Variants in FBLN1 observed in about 807,000 individuals in gnomAD.
FBLN1 encodes fibulin-1.
In FBLN1, 34 loss-of-function variants were observed where a neutral mutation model predicts 89.7. The ratio of observed to expected loss-of-function variants is 0.38; its 90% CI spans 0.29 to 0.50. The LOEUF is 0.50. Ranked by LOEUF, FBLN1 falls within the 20% of genes least tolerant of loss-of-function variation. The pLI is 0.92. For missense variants in FBLN1, 777 were observed against 988.1 expected (o/e 0.79, Z 2.86); for synonymous variants, 393 against 391.3 (o/e 1.00, Z -0.05).
At position 45,547,171 on chromosome 22, in the gene FBLN1, C is replaced by A. The variant is rs2088640317; in HGVS notation, c.1408C>A (p.Gln470Lys). 6.2e-7 allele frequency: 1 copy of A among 1,614,072 alleles called. No individual in the cohort carries two copies. Among genetic ancestry groups the A allele is most frequent in the Non-Finnish European group, 8.5e-7 (1 of 1,180,028 alleles). Reference sequence around the variant, plus strand: ...CCAGTGTTACTGCCGGCGAGGCTACCAGCTCAGCGATGTGGATGGAGTCAC... The same window carrying A: ...CCAGTGTTACTGCCGGCGAGGCTACAAGCTCAGCGATGTGGATGGAGTCAC... The part of the protein sequence containing the change: ...SYQCYCRRGY[Q>K]LSDVDGVTCE... The change falls in exon 12 of 17, where the codon CAG becomes AAG. Residue 470 changes from glutamine to lysine, a missense_variant. By Grantham distance (53) the Gln-to-Lys change is moderately conservative. Transcript: ENST00000327858.
chr22:45,585,718 G>A (rs1397409397), intron 16 of FBLN1, among the ~76,000 whole-genome samples: 2 of 152,156 alleles, frequency 1.3e-5, no homozygotes, highest in African/African-American at 4.8e-5. Flanking sequence ...GGGTGTCACC[G>A]AGGGTTCCAG....
intron 16 of FBLN1, among the ~76,000 whole-genome samples, chr22:45,599,747 G>A (rs1488246225): frequency 4.6e-5 from 7 of 152,110 alleles, no homozygotes; most frequent in East Asian, 3.9e-4. Flanking sequence ...GAGAAACCCC[G>A]TCTCTACTAA....
chr22:45,510,027 G>C (rs1357874613), intron 1 of FBLN1, among the ~76,000 whole-genome samples: 1 of 152,126 alleles, frequency 6.6e-6, no homozygotes, highest in Non-Finnish European at 1.5e-5. Context: ...GGAAATCAAG[G>C]AAATTGAGGC....
intron 2 of FBLN1, among the ~76,000 whole-genome samples, chr22:45,525,093 GA>G (rs2088303159): frequency 6.9e-6 from 1 of 145,626 alleles, no homozygotes; most frequent in African/African-American, 2.6e-5. Flanking sequence ...AAGAGAGAAA[GA>G]GAGAAAGGGA....
intron 16 of FBLN1, among the ~76,000 whole-genome samples, chr22:45,599,646 G>A (rs777750555): frequency 1.3e-5 from 2 of 152,144 alleles, no homozygotes; most frequent in Non-Finnish European, 2.9e-5. Context: ...GGCCAGTCAC[G>A]GTCGCTCATG....
At chr22:45,525,712 G>T (rs189845806) in intron 3 of FBLN1, 34 bp downstream of exon 3, 1 of 1,550,946 alleles carries the variant, frequency 6.4e-7, no homozygotes, top group Admixed American at 2.0e-5. Context: ...GTCGCTGCCC[G>T]TCCCCACTAG....
At position 45,527,208 on chromosome 22, in the gene FBLN1, G is replaced by A. The variant is rs138443512; in HGVS notation, c.322-639G>A. On this transcript the variant is annotated intron_variant, in intron 3 of 16. Transcript: ENST00000327858. Reference sequence around the variant, plus strand: ...AATAAAGACTGAAGCAGGGCTTTTCGTGTGTCAGGGCAAATGTTGCTTCTG... The same window carrying A: ...AATAAAGACTGAAGCAGGGCTTTTCATGTGTCAGGGCAAATGTTGCTTCTG... Among the ~76,000 whole-genome samples the A allele has an allele frequency of 3.3e-5, 5 of 152,324 alleles. No individual in the cohort carries two copies. In the East Asian group the frequency reaches 7.7e-4, roughly 23 times the overall value.
At chr22:45,543,566 C>G in intron 11 of FBLN1, 40 bp downstream of exon 11, 2 of 1,606,706 alleles carry the variant, frequency 1.2e-6, no homozygotes, top group Non-Finnish European at 1.7e-6. Flanking sequence ...CCCCAGGTCA[C>G]CTTCCTCCTG....
intron 2 of FBLN1, among the ~76,000 whole-genome samples, chr22:45,521,127 T>A (rs2088245086): frequency 6.6e-6 from 1 of 152,172 alleles, no homozygotes; most frequent in African/African-American, 2.4e-5. Flanking sequence ...ATTTTGGGGT[T>A]ATCTTTAATC....
chr22:45,518,863 G>A (rs2088208257), intron 2 of FBLN1, 76 bp downstream of exon 2: 4 of 1,299,032 alleles, frequency 3.1e-6, no homozygotes, highest in South Asian at 2.5e-5. Context: ...GGGACAGTGT[G>A]TGCCAGACCT....
At chr22:45,573,378 T>A (rs1375731204) in intron 14 of FBLN1, among the ~76,000 whole-genome samples, 1 of 150,536 alleles carries the variant, frequency 6.6e-6, no homozygotes, top group Non-Finnish European at 1.5e-5. Flanking sequence ...GAGAAAACTA[T>A]GAAGAAACCC....
rs753878099 is a variant in FBLN1 at position 45,547,090 on chromosome 22, A to G, written c.1327A>G (p.Asn443Asp). Residue 443 changes from asparagine (N) to aspartate (D), a missense_variant, in exon 12 of 17, where the codon AAT becomes GAT. Transcript: ENST00000327858. ...ACCCTCGTTTTGTATTTCAGACATC[A>G]ATGAGTGCAGCAGCAGCCCCTGTAG... The part of the protein sequence containing the change: ...SVDGRSCEDI[N>D]ECSSSPCSQE... 2 of 1,614,062 alleles carry G rather than the reference A, an allele frequency of 1.2e-6. No individual in the cohort carries two copies. The highest frequency in any genetic ancestry group is 1.7e-6 in the Non-Finnish European group (2 of 1,180,022).
chr22:45,513,220 A>G (rs956558746), intron 1 of FBLN1, among the ~76,000 whole-genome samples: 1 of 152,232 alleles, frequency 6.6e-6, no homozygotes, highest in African/African-American at 2.4e-5. Flanking sequence ...AAGATGACCA[A>G]CAAACACTAA....
chr22:45,518,878 G>A, intron 2 of FBLN1, 91 bp downstream of exon 2: 1 of 1,169,162 alleles, frequency 8.6e-7, no homozygotes, highest in Non-Finnish European at 1.2e-6. Flanking sequence ...AGACCTCTCG[G>A]GAGAGGCTGG....
chr22:45,512,507 TGA>T (rs1043652728), intron 1 of FBLN1, among the ~76,000 whole-genome samples: 1 of 152,010 alleles, frequency 6.6e-6, no homozygotes, highest in Non-Finnish European at 1.5e-5. Context: ...GATAGGACAG[TGA>T]GGTGGGAGGT....
At position 45,583,707 on chromosome 22, in the gene FBLN1, A is replaced by G. The variant is rs2089060853; in HGVS notation, c.1972+6599A>G. Reference sequence around the variant, plus strand: ...CACAATCAACACAGGAAGTAACAGAAGCAGCTAGTTACTCACAGGTCCTAG... The same window carrying G: ...CACAATCAACACAGGAAGTAACAGAGGCAGCTAGTTACTCACAGGTCCTAG... On this transcript the variant is annotated intron_variant, in intron 16 of 16. Transcript: ENST00000327858. The surrounding 1 kb of genome is among the most constrained non-coding windows in gnomAD (Gnocchi z 4.5). Among the ~76,000 whole-genome samples the G allele has an allele frequency of 6.6e-6, 1 of 152,212 alleles. No homozygotes were observed. Among genetic ancestry groups the G allele is most frequent in the Non-Finnish European group, 1.5e-5 (1 of 68,038 alleles).
In FBLN1 at chr22:45,537,195, T is replaced by C. The variant is rs2088493891; in HGVS notation, c.922+1858T>C. 1.3e-5 allele frequency among the ~76,000 whole-genome samples: 2 copies of C among 152,228 alleles called. No individual in the cohort carries two copies. ...CTCCCCTGCCATGAGCAAGGGGGTATACATTTCCATCTTGCTTCGATTTCA... is the reference window on the plus strand; with the variant it reads ...CTCCCCTGCCATGAGCAAGGGGGTACACATTTCCATCTTGCTTCGATTTCA... On this transcript the variant is annotated intron_variant, in intron 8 of 16. Transcript: ENST00000327858. This position sits in a 1 kb window ranked among gnomAD's most constrained non-coding sequence, Gnocchi z 5.7.
chr22:45,548,698 C>A lies in FBLN1; in HGVS notation c.1527C>A (p.Cys509Ter). ...TCCCTGGAAGCTTCCAGTGCAGCTG[C>A]CCCTCGTCTGGCTACAGGCTGGCCC... ...INIPGSFQCS[C>*]PSSGYRLAPN... Residue 509 changes from cysteine to a stop codon, truncating the protein, a stop_gained, in exon 13 of 17, where the codon TGC becomes TGA. Coordinates refer to ENST00000327858, the MANE Select transcript of FBLN1 (RefSeq NM_006486.3). LOFTEE classifies it high-confidence loss of function. 6.2e-7 allele frequency: 1 copy of A among 1,613,830 alleles called. No homozygotes were observed. The highest frequency in any genetic ancestry group is 1.1e-5 in the South Asian group (1 of 91,080).
rs549367463 is a variant in FBLN1 at position 45,533,504 on chromosome 22, C to T, written c.647-257C>T. 7.9e-5 allele frequency among the ~76,000 whole-genome samples: 12 copies of T among 152,310 alleles called. No individual in the cohort carries two copies. The South Asian group carries it at 2.5e-3, about 32-fold the overall frequency. ...GATGGGGGAGATGGAGAAGATGCTG[C>T]CCCTCCGTGGGGTTCTTGAGGACCA... On this transcript the variant is annotated intron_variant, in intron 6 of 16. Coordinates refer to ENST00000327858, the MANE Select transcript of FBLN1 (RefSeq NM_006486.3).
Sources: gnomAD v4.1 joint callset for allele counts (sites outside exome capture counted in the v4.1 genomes callset) on GRCh38, gnomAD v4.1.1 for gene constraint, Gnocchi (gnomAD v3.1) non-coding constraint, MANE v1.5 for transcripts, NCBI Gene and HGNC (gene_info 2026-07-23, HGNC 2026-07-21) for gene names.